The following ERC2 variants were observed in gnomAD, a reference collection of about 807,000 sequenced individuals.
ERC2 encodes the protein ELKS/RAB6-interacting/CAST family member 2.
ERC2 carries 42 observed loss-of-function variants against 114.8 expected under a neutral mutation model. That is an observed-to-expected ratio of 0.37 (90% CI 0.29 to 0.47). The LOEUF is 0.47. Ranked by LOEUF, ERC2 falls within the 20% of genes least tolerant of loss-of-function variation. The pLI is 0.99. For synonymous variants in ERC2, 454 were observed against 425.5 expected, an observed-to-expected ratio of 1.07 and a Z score of -0.82; for missense variants, 939 against 1,150.7, an observed-to-expected ratio of 0.82 and a Z score of 2.66.
intron 13 of ERC2, among the ~76,000 whole-genome samples, chr3:55,892,254 C>G (rs2063645824): frequency 6.6e-6 from 1 of 152,148 alleles, no homozygotes; most frequent in Non-Finnish European, 1.5e-5. Flanking sequence ...CCTATAATCC[C>G]AACACTTTGG....
chr3:56,018,441 T>C (rs1576581649), intron 8 of ERC2, among the ~76,000 whole-genome samples: 1 of 151,114 alleles, frequency 6.6e-6, no homozygotes, highest in Admixed American at 6.6e-5. Context: ...CAGGAAGGAG[T>C]ATGGTACAGT....
At chr3:55,663,222 T>A (rs1001840924) in intron 17 of ERC2, among the ~76,000 whole-genome samples, 4 of 152,092 alleles carry the variant, frequency 2.6e-5, no homozygotes, top group African/African-American at 4.8e-5. Context: ...AACAAAAAAA[T>A]TCCCCAAAAA....
At chr3:56,350,860 C>T (rs1215574780) in intron 2 of ERC2, among the ~76,000 whole-genome samples, 1 of 152,164 alleles carries the variant, frequency 6.6e-6, no homozygotes, top group Non-Finnish European at 1.5e-5. Flanking sequence ...CACATTCAGT[C>T]TTGGTGCAAA....
intron 17 of ERC2, among the ~76,000 whole-genome samples, chr3:55,519,405 C>T (rs2052747017): frequency 6.6e-6 from 1 of 152,198 alleles, no homozygotes. Context: ...TGGAATACCT[C>T]ATCCCAGGGC....
intron 14 of ERC2, among the ~76,000 whole-genome samples, chr3:55,758,513 G>T (rs1277854288): frequency 6.6e-6 from 1 of 152,350 alleles, no homozygotes; most frequent in East Asian, 1.9e-4. Context: ...CTGCCATCCT[G>T]CAGAGCCTCC....
intron 2 of ERC2, among the ~76,000 whole-genome samples, chr3:56,329,211 A>G (rs886713026): frequency 1.3e-5 from 2 of 152,228 alleles, no homozygotes; most frequent in African/African-American, 4.8e-5. Flanking sequence ...GGCCTAAATT[A>G]TAAATTTGTT....
At chr3:56,018,333 G>A (rs1286973886) in intron 8 of ERC2, among the ~76,000 whole-genome samples, 2 of 152,140 alleles carry the variant, frequency 1.3e-5, no homozygotes, top group Non-Finnish European at 2.9e-5. Flanking sequence ...CTTGACTACT[G>A]CACAATACAA....
intron 4 of ERC2, among the ~76,000 whole-genome samples, chr3:56,163,236 A>C (rs777377091): frequency 3.3e-5 from 5 of 151,988 alleles, no homozygotes; most frequent in Non-Finnish European, 7.4e-5. Flanking sequence ...GAGTATGGTT[A>C]CTATGATTTC....
At chr3:55,697,394 G>T (rs1351302243) in intron 16 of ERC2, among the ~76,000 whole-genome samples, 6 of 152,004 alleles carry the variant, frequency 3.9e-5, no homozygotes, top group Non-Finnish European at 7.4e-5. Context: ...TGTGCCAAAG[G>T]TCTCAACAAC....
intron 17 of ERC2, among the ~76,000 whole-genome samples, chr3:55,664,993 AAC>A (rs2061301961): frequency 6.6e-6 from 1 of 152,056 alleles, no homozygotes; most frequent in Admixed American, 6.5e-5. Context: ...GGATAATAAT[AAC>A]ACACTGAGAC....
At chr3:55,809,430 C>G (rs1248503081) in intron 14 of ERC2, among the ~76,000 whole-genome samples, 1 of 152,062 alleles carries the variant, frequency 6.6e-6, no homozygotes, top group East Asian at 1.9e-4. Context: ...AGGAAACAAT[C>G]AACAGAGCGA....
At chr3:56,175,921 GTGA>G (rs142594003) in intron 3 of ERC2, among the ~76,000 whole-genome samples, 44,205 of 151,964 alleles carry the variant, frequency 0.29, 8,202 homozygotes, top group Middle Eastern at 0.41. Context: ...TGGAGTCAAT[GTGA>G]TGGTTTTTTT....
intron 14 of ERC2, among the ~76,000 whole-genome samples, chr3:55,745,945 T>C (rs1050006049): frequency 2.0e-5 from 3 of 152,228 alleles, no homozygotes; most frequent in African/African-American, 4.8e-5. Context: ...TTCGCCTCTA[T>C]TGTATATTTA....
At chr3:56,272,438 T>C (rs1453975966) in intron 3 of ERC2, among the ~76,000 whole-genome samples, 7 of 152,198 alleles carry the variant, frequency 4.6e-5, no homozygotes, top group Non-Finnish European at 8.8e-5. Context: ...GATGCAATTC[T>C]ATGTGAAACT....
At chr3:55,576,315 A>G (rs2056977608) in intron 17 of ERC2, among the ~76,000 whole-genome samples, 1 of 152,110 alleles carries the variant, frequency 6.6e-6, no homozygotes, top group African/African-American at 2.4e-5. Context: ...ATCTCAAAAA[A>G]AAAAAAAAAT....
intron 14 of ERC2, among the ~76,000 whole-genome samples, chr3:55,849,950 T>A (rs2061503432): frequency 6.6e-6 from 1 of 152,228 alleles, no homozygotes; most frequent in Non-Finnish European, 1.5e-5. Context: ...AAGTTTATCA[T>A]CTTACAGTTC....
rs1380186552 is a variant in ERC2, at chr3:56,388,503, G to A, written c.657+45848C>T. Among the ~76,000 whole-genome samples, 9 of 152,078 alleles carry A rather than the reference G, an allele frequency of 5.9e-5. No homozygotes were observed. The South Asian group carries it at 8.3e-4, about 14-fold the overall frequency. On this transcript the variant is annotated intron_variant, in intron 2 of 17. Transcript: ENST00000288221. ...CGTGGAACAATGAGCCAAAATAAAT[G>A]TATTTTCTTTATAAATTACCCAGTC...
At chr3:55,810,302 T>C (rs1412284670) in intron 14 of ERC2, among the ~76,000 whole-genome samples, 1 of 151,962 alleles carries the variant, frequency 6.6e-6, no homozygotes, top group Non-Finnish European at 1.5e-5. Context: ...CTGGTAAATA[T>C]CCCTCCAAAT....
At chr3:55,773,409 T>G (rs1197583525) in intron 14 of ERC2, among the ~76,000 whole-genome samples, 1 of 152,188 alleles carries the variant, frequency 6.6e-6, no homozygotes, top group Non-Finnish European at 1.5e-5. Flanking sequence ...ATCCCAACAT[T>G]TCAGATTCCC....
Sources: gnomAD v4.1 joint callset for allele counts (sites outside exome capture counted in the v4.1 genomes callset) on GRCh38, gnomAD v4.1.1 for gene constraint, MANE v1.5 for transcripts, NCBI Gene and HGNC (gene_info 2026-07-23, HGNC 2026-07-21) for gene names.